TRAPPC10: variants seen among roughly 807,000 people sequenced by gnomAD.
TRAPPC10 encodes trafficking protein particle complex subunit 10.
TRAPPC10 carries 23 observed loss-of-function variants against 125.5 expected under a neutral mutation model. The observed-to-expected ratio is 0.18, with a 90% confidence interval of 0.13 to 0.26. TRAPPC10 has a LOEUF of 0.26. Among genes scored for constraint, TRAPPC10 ranks in the 10% least tolerant of loss-of-function variants. The pLI is 1.00. For missense variants in TRAPPC10, 1,123 were observed against 1,308.4 expected (o/e 0.86, Z 2.19); for synonymous variants, 509 against 518.0 (o/e 0.98, Z 0.24).
Position 44,063,405 on chromosome 21 carries a change from A to AGG in TRAPPC10, c.791-129_791-128dup. 1 of 1,346,666 alleles carries AGG rather than the reference A, an allele frequency of 7.4e-7. No homozygotes were observed. The highest frequency in any genetic ancestry group is 2.3e-5 in the East Asian group (1 of 43,220). The allele number at this position is 1,346,666 out of a possible 1,614,324, so 83.4% of individuals were successfully genotyped here. A position where few individuals can be genotyped will look rare whatever the true frequency, so the allele number is the denominator to read the frequency against. On this transcript the variant is annotated intron_variant, in intron 6 of 22. Transcript: ENST00000291574. The surrounding 1 kb of genome is among the most constrained non-coding windows in gnomAD (Gnocchi z 4.4). ...GGAGCCGAATGCATCACTAGACCAC[A>AGG]GGGGGTGGGCCAGTGTTCATAGAAA...
chr21:44,083,051 C>G lies in TRAPPC10; in HGVS notation c.1987C>G (p.Pro663Ala). Residue 663 changes from proline to alanine, a missense_variant, in exon 14 of 23, where the codon CCT becomes GCT. Pro to Ala is a conservative substitution (Grantham distance 27). Around this residue, in one of 4 missense-constraint regions of TRAPPC10, gnomAD observed 840 missense variants for 902.0 expected, o/e 0.93. Coordinates refer to ENST00000291574, the MANE Select transcript of TRAPPC10 (RefSeq NM_003274.5). Reference sequence around the variant, plus strand: ...CATTAACTTTCCACCCGAGACCGCACCTTTCCCTGTATCCCAAAACAGTTT... The same window carrying G: ...CATTAACTTTCCACCCGAGACCGCAGCTTTCCCTGTATCCCAAAACAGTTT... The part of the protein sequence containing the change: ...GIINFPPETA[P>A]FPVSQNSLPA... 6.2e-7 allele frequency: 1 copy of G among 1,614,122 alleles called. No homozygotes were observed. Among genetic ancestry groups the G allele is most frequent in the South Asian group, 1.1e-5 (1 of 91,070 alleles).
chr21:44,030,786 G>A (rs763648616), intron 1 of TRAPPC10, among the ~76,000 whole-genome samples: 10 of 152,136 alleles, frequency 6.6e-5, no homozygotes, highest in Admixed American at 2.0e-4. Flanking sequence ...TGATTTCTAA[G>A]ATGACTACCA....
intron 18 of TRAPPC10, among the ~76,000 whole-genome samples, chr21:44,091,341 G>A (rs2038562117): frequency 6.6e-6 from 1 of 152,180 alleles, no homozygotes; most frequent in Non-Finnish European, 1.5e-5. Flanking sequence ...GGCCAGTGAG[G>A]GTGACCAGCC....
chr21:44,037,687 G>A, intron 2 of TRAPPC10, 105 bp from the exon 3 acceptor site: 2 of 1,299,962 alleles, frequency 1.5e-6, no homozygotes, highest in Admixed American at 2.1e-5. Flanking sequence ...TAATATATGT[G>A]CTCTGAACTC....
chr21:44,013,340 C>T (rs1248212740), intron 1 of TRAPPC10, among the ~76,000 whole-genome samples: 2 of 152,190 alleles, frequency 1.3e-5, no homozygotes, highest in East Asian at 3.8e-4. Context: ...GAACAGTGAG[C>T]TTATGGGAAG....
At position 44,079,556 on chromosome 21, in the gene TRAPPC10, T is replaced by G. The variant is rs1369887295; in HGVS notation, c.1470-8T>G. 6.3e-7 allele frequency: 1 copy of G among 1,585,712 alleles called. No homozygotes were observed. Among genetic ancestry groups the G allele is most frequent in the Admixed American group, 2.0e-5 (1 of 49,176 alleles). On this transcript the variant is annotated splice_polypyrimidine_tract_variant and splice_region_variant and intron_variant, in intron 11 of 22. Coordinates refer to ENST00000291574, the MANE Select transcript of TRAPPC10 (RefSeq NM_003274.5). ...GTAATGAAAGCTACTGTTTGTTGAC[T>G]TTGCAAGGAGGAAAAAGGCTCCACA...
chr21:44,091,369 C>T (rs1375499241), intron 18 of TRAPPC10, among the ~76,000 whole-genome samples: 1 of 152,222 alleles, frequency 6.6e-6, no homozygotes, highest in Non-Finnish European at 1.5e-5. Context: ...CTTAATAAGG[C>T]TGGTCAGAAA....
chr21:44,060,919 C>T (rs8131405), intron 6 of TRAPPC10, among the ~76,000 whole-genome samples: 220 of 78,120 alleles, frequency 2.8e-3, no homozygotes, highest in African/African-American at 0.016. Flanking sequence ...CATACATACA[C>T]ACACACACAC....
chr21:44,053,054 C>T (rs545784561), intron 4 of TRAPPC10, among the ~76,000 whole-genome samples: 48 of 152,088 alleles, frequency 3.2e-4, no homozygotes, highest in Admixed American at 3.1e-3. Context: ...CCTCTATAAC[C>T]GATGGTCTGT....
intron 13 of TRAPPC10, among the ~76,000 whole-genome samples, chr21:44,080,546 T>C (rs1367298758): frequency 4.6e-5 from 7 of 151,758 alleles, no homozygotes; most frequent in East Asian, 1.9e-4. Flanking sequence ...TCTTCTTCTT[T>C]TTTTTTTTTG....
intron 2 of TRAPPC10, among the ~76,000 whole-genome samples, chr21:44,037,111 C>G (rs946008717): frequency 6.6e-6 from 1 of 152,108 alleles, no homozygotes; most frequent in African/African-American, 2.4e-5. Context: ...CTATAACATT[C>G]AGAAGAGACG....
chr21:44,074,962 A>T (rs1416135609), intron 8 of TRAPPC10, 77 bp from the exon 9 acceptor site: 1 of 1,113,584 alleles, frequency 9.0e-7, no homozygotes, highest in South Asian at 1.4e-5. Context: ...CTGGATTTGA[A>T]TTTTTATATT....
intron 7 of TRAPPC10, among the ~76,000 whole-genome samples, chr21:44,069,636 C>T (rs909083471): frequency 2.6e-5 from 4 of 152,162 alleles, no homozygotes; most frequent in Non-Finnish European, 5.9e-5. Context: ...TGACCCAGCA[C>T]ATCCACCCCT....
At position 44,059,213 on chromosome 21, in the gene TRAPPC10, G is replaced by C; in HGVS notation, c.789G>C (p.Gly263=). Reference sequence around the variant, plus strand: ...AGTATGTGGTCAACTTCGGGGCCGGGGGTGAGTAGTGGCACTTCAGTAACG... The same window carrying C: ...AGTATGTGGTCAACTTCGGGGCCGGCGGTGAGTAGTGGCACTTCAGTAACG... ...FSQYVVNFGA[G]DGANWLTFFC... The change falls in exon 6 of 23, where the codon GGG becomes GGC. Residue 263 remains glycine (G), a splice_region_variant and synonymous_variant. Coordinates refer to ENST00000291574, the MANE Select transcript of TRAPPC10 (RefSeq NM_003274.5). The surrounding 1 kb of genome is among the most constrained non-coding windows in gnomAD (Gnocchi z 4.4). 6.2e-7 allele frequency: 1 copy of C among 1,603,044 alleles called. No individual in the cohort carries two copies. The highest frequency in any genetic ancestry group is 8.5e-7 in the Non-Finnish European group (1 of 1,175,580).
At chr21:44,014,817 A>G (rs2031636036) in intron 1 of TRAPPC10, among the ~76,000 whole-genome samples, 1 of 152,142 alleles carries the variant, frequency 6.6e-6, no homozygotes, top group Admixed American at 6.5e-5. Flanking sequence ...TCAGAAGAGA[A>G]GGGGGCTTCA....
rs1300424269 is a variant in TRAPPC10 at position 44,055,618 on chromosome 21, G to A, written c.483-80G>A. ...AGGAGGAGGAAGGAAGAAAATTGCC[G>A]CTCAGGACAATGGCAGCTGCTGAGT... On this transcript the variant is annotated intron_variant, in intron 4 of 22. Coordinates refer to ENST00000291574, the MANE Select transcript of TRAPPC10 (RefSeq NM_003274.5). The A allele has an allele frequency of 7.2e-5, 80 of 1,114,008 alleles. No individual in the cohort carries two copies. In the Admixed American group the frequency reaches 9.6e-4, roughly 13 times the overall value. 69.0% of individuals were successfully genotyped at this position (1,114,008 alleles called of 1,614,324 possible).
chr21:44,092,302 C>T (rs1039017004), intron 19 of TRAPPC10, among the ~76,000 whole-genome samples: 27 of 152,204 alleles, frequency 1.8e-4, no homozygotes, highest in African/African-American at 5.8e-4. Context: ...TATGCGTAGA[C>T]GTGTGCAGAT....
Position 44,039,598 on chromosome 21 carries a change from G to T in TRAPPC10, c.285+1671G>T, listed in dbSNP as rs182703157. 4.8e-4 allele frequency among the ~76,000 whole-genome samples: 73 copies of T among 152,326 alleles called. 1 individual carries two copies. The Middle Eastern group carries it at 0.02, about 43-fold the overall frequency. On this transcript the variant is annotated intron_variant, in intron 3 of 22. Coordinates refer to ENST00000291574, the MANE Select transcript of TRAPPC10 (RefSeq NM_003274.5). ...CATCAAGAACTGGGCCGGTCATGGTGGCTCACGCTTGTAATCCCAGCACTT... is the reference window on the plus strand; with the variant it reads ...CATCAAGAACTGGGCCGGTCATGGTTGCTCACGCTTGTAATCCCAGCACTT...
At chr21:44,026,522 T>C (rs2033089571) in intron 1 of TRAPPC10, among the ~76,000 whole-genome samples, 1 of 152,240 alleles carries the variant, frequency 6.6e-6, no homozygotes, top group Admixed American at 6.5e-5. Flanking sequence ...AGCACTTGCA[T>C]TCCTAGGCTT....
Sources: allele counts gnomAD v4.1 joint callset (sites outside exome capture counted in the v4.1 genomes callset), GRCh38; gene constraint gnomAD v4.1.1; regional missense constraint gnomAD v4.1.1; non-coding constraint Gnocchi (gnomAD v3.1); transcripts MANE v1.5; gene names NCBI Gene and HGNC (gene_info 2026-07-23, HGNC 2026-07-21).